Variants in AASS observed in about 807,000 individuals in gnomAD.
AASS encodes the protein aminoadipate-semialdehyde synthase.
A neutral mutation model predicts 105.4 loss-of-function variants in AASS; 86 were observed. That is an observed-to-expected ratio of 0.82 (90% CI 0.69 to 0.98). The LOEUF (loss-of-function observed/expected upper bound fraction) is 0.98, where lower values mean the gene tolerates loss of function less well. Ranked by LOEUF, AASS falls within the 50% of genes least tolerant of loss-of-function variation. The pLI is 0.00. For synonymous variants in AASS, 381 were observed against 394.8 expected, an observed-to-expected ratio of 0.96 and a Z score of 0.41; for missense variants, 1,048 against 1,143.2, an observed-to-expected ratio of 0.92 and a Z score of 1.20.
chr7:122,126,298 C>T (rs1795652867), intron 4 of AASS, 77 bp downstream of exon 4: 2 of 1,290,664 alleles, frequency 1.5e-6, no homozygotes, highest in East Asian at 2.3e-5. Flanking sequence ...TATCCCCTTG[C>T]CGCAGAAAAG....
Position 122,101,706 on chromosome 7 carries a change from A to G in AASS, c.1279-26T>C, listed in dbSNP as rs769935068. On this transcript the variant is annotated intron_variant, in intron 11 of 23. Transcript: ENST00000417368. ...CTGAAAGGAAAATGAGATTTGTAAGAGATAAATGACACTGCAAAGAAGGCC... is the reference window on the plus strand; with the variant it reads ...CTGAAAGGAAAATGAGATTTGTAAGGGATAAATGACACTGCAAAGAAGGCC... 2.5e-6 allele frequency: 4 copies of G among 1,580,950 alleles called. No homozygotes were observed. In the African/African-American group the frequency reaches 5.4e-5, roughly 21 times the overall value.
chr7:122,076,662 T>C, intron 23 of AASS, 55 bp from the exon 24 acceptor site: 1 of 1,337,088 alleles, frequency 7.5e-7, no homozygotes. Flanking sequence ...AGAGGTTAAT[T>C]TCCCCATCAA....
chr7:122,133,113 A>G (rs1427249534), intron 2 of AASS, among the ~76,000 whole-genome samples: 2 of 152,196 alleles, frequency 1.3e-5, no homozygotes. Flanking sequence ...GGAAAGGAAA[A>G]GTATACATAT....
intron 4 of AASS, among the ~76,000 whole-genome samples, chr7:122,123,479 G>A (rs1795523001): frequency 6.6e-6 from 1 of 152,194 alleles, no homozygotes; most frequent in South Asian, 2.1e-4. Context: ...GTTAATGACA[G>A]GATAGTAAGT....
In AASS at chr7:122,077,920, A is replaced by T. The variant is rs1793103789; in HGVS notation, c.2580T>A (p.Ala860=). 1 of 1,614,078 alleles carries T rather than the reference A, an allele frequency of 6.2e-7. No individual in the cohort carries two copies. Among genetic ancestry groups the T allele is most frequent in the African/African-American group, 1.3e-5 (1 of 74,938 alleles). ...CTGAAAAGCCATTGATGTCCCCATAAGCCACAAGATCAATCGTTTTATGTT... is the reference window on the plus strand; with the variant it reads ...CTGAAAAGCCATTGATGTCCCCATATGCCACAAGATCAATCGTTTTATGTT... ...HLEHKTIDLV[A]YGDINGFSAM... The change falls in exon 23 of 24, where the codon GCT becomes GCA. Residue 860 remains alanine, a synonymous_variant. Transcript: ENST00000417368.
intron 19 of AASS, among the ~76,000 whole-genome samples, chr7:122,084,562 AT>A (rs929793745): frequency 6.6e-6 from 1 of 151,570 alleles, no homozygotes; most frequent in African/African-American, 2.4e-5. Context: ...TACATGCAGA[AT>A]TTTTTTTTAC....
At chr7:122,116,609 T>A in intron 8 of AASS, 24 bp downstream of exon 8, 1 of 1,613,800 alleles carries the variant, frequency 6.2e-7, no homozygotes, top group Non-Finnish European at 8.5e-7. Context: ...AGCAACCAAC[T>A]TAAAAGGTGA....
chr7:122,106,477 G>C (rs921293200), intron 11 of AASS, among the ~76,000 whole-genome samples: 4 of 151,952 alleles, frequency 2.6e-5, no homozygotes, highest in African/African-American at 9.7e-5. Context: ...AACAGAGCTG[G>C]AGGTATCATG....
At chr7:122,107,698 T>C (rs758155640) in intron 11 of AASS, among the ~76,000 whole-genome samples, 3 of 152,028 alleles carry the variant, frequency 2.0e-5, no homozygotes, top group Non-Finnish European at 2.9e-5. Flanking sequence ...AGCTAAATGA[T>C]GAGGACACAT....
At chr7:122,106,521 G>A (rs570275554) in intron 11 of AASS, among the ~76,000 whole-genome samples, 207 of 151,986 alleles carry the variant, frequency 1.4e-3, no homozygotes, top group Non-Finnish European at 2.3e-3. Context: ...CAGGGCTACA[G>A]TAACCAAAAC....
Position 122,089,034 on chromosome 7 carries a change from T to C in AASS, c.2016+2669A>G, listed in dbSNP as rs954820104. Among the ~76,000 whole-genome samples the C allele has an allele frequency of 4.6e-5, 7 of 152,178 alleles. No homozygotes were observed. In the East Asian group the frequency reaches 5.8e-4, roughly 13 times the overall value. ...AATTCATAGGCCACTGACCAATTTC[T>C]GGAAAAGTTTAAGTCTTCAAATTCA... On this transcript the variant is annotated intron_variant, in intron 18 of 23. Coordinates refer to ENST00000417368, the MANE Select transcript of AASS (RefSeq NM_005763.4).
In AASS at chr7:122,076,167, C is replaced by T; in HGVS notation, c.*322G>A. 6.7e-6 allele frequency: 2 copies of T among 297,896 alleles called. No homozygotes were observed. The highest frequency in any genetic ancestry group is 6.3e-5 in the South Asian group (2 of 31,776). 18.5% of individuals were successfully genotyped at this position (297,896 alleles called of 1,614,324 possible). On this transcript the variant is annotated 3_prime_UTR_variant, in exon 24 of 24. Transcript: ENST00000417368. ...CCAGCCTGGGTGACAGAGCGAGACT[C>T]CATCTCAAAAAACAACAACAACAAA...
At chr7:122,112,375 G>C (rs988509677) in intron 11 of AASS, among the ~76,000 whole-genome samples, 1 of 152,120 alleles carries the variant, frequency 6.6e-6, no homozygotes, top group African/African-American at 2.4e-5. Flanking sequence ...AAAAGAAAGG[G>C]TCAAAATGGA....
intron 4 of AASS, 117 bp from the exon 5 acceptor site, chr7:122,118,747 A>C (rs1302581440): frequency 8.6e-6 from 9 of 1,052,326 alleles, no homozygotes; most frequent in African/African-American, 1.6e-5. Context: ...TGCATCTCAG[A>C]TTTAGAAGAG....
At chr7:122,131,283 A>G (rs965167465) in intron 2 of AASS, among the ~76,000 whole-genome samples, 2 of 151,778 alleles carry the variant, frequency 1.3e-5, no homozygotes, top group South Asian at 2.1e-4. Flanking sequence ...AAAAATTCAA[A>G]TAAGTTTTTT....
chr7:122,091,820 A>T lies in AASS; in HGVS notation c.1899T>A (p.Cys633Ter), dbSNP rs1309497867. ...AATGTTCAGGGGCTGGAAGCCCACC[A>T]CAGTAGGAAATATATGATTCAATCT... ...GATIESYISY[C>*]GGLPAPEHSN... The change falls in exon 18 of 24, where the codon TGT becomes TGA. Residue 633 changes from cysteine (C) to a stop codon, truncating the protein, a stop_gained. Coordinates refer to ENST00000417368, the MANE Select transcript of AASS (RefSeq NM_005763.4). LOFTEE classifies it high-confidence loss of function. 1 of 1,611,276 alleles carries T rather than the reference A, an allele frequency of 6.2e-7. No homozygotes were observed. The highest frequency in any genetic ancestry group is 8.5e-7 in the Non-Finnish European group (1 of 1,177,768).
At chr7:122,092,138 T>C (rs1793933825) in intron 17 of AASS, among the ~76,000 whole-genome samples, 1 of 151,572 alleles carries the variant, frequency 6.6e-6, no homozygotes, top group Non-Finnish European at 1.5e-5. Context: ...ACTTTTGTAT[T>C]CAAATTATAT....
intron 11 of AASS, among the ~76,000 whole-genome samples, chr7:122,108,655 C>T (rs1319592663): frequency 6.6e-6 from 1 of 151,942 alleles, no homozygotes; most frequent in Admixed American, 6.6e-5. Context: ...TCAAATTTGG[C>T]ATACAGGGTA....
intron 1 of AASS, among the ~76,000 whole-genome samples, chr7:122,139,962 A>C (rs1341470411): frequency 1.3e-5 from 2 of 151,990 alleles, no homozygotes; most frequent in Non-Finnish European, 2.9e-5. Context: ...ACAAACAAAC[A>C]AACAAACAAA....
Sources: allele counts gnomAD v4.1 joint callset (sites outside exome capture counted in the v4.1 genomes callset), GRCh38; gene constraint gnomAD v4.1.1; transcripts MANE v1.5; gene names NCBI Gene and HGNC (gene_info 2026-07-23, HGNC 2026-07-21).